The following FHIT variants were observed in gnomAD, a reference collection of about 807,000 sequenced individuals.
FHIT encodes the protein bis(5'-adenosyl)-triphosphatase.
In FHIT, 19 loss-of-function variants were observed where a neutral mutation model predicts 17.9. That is an observed-to-expected ratio of 1.06 (90% CI 0.74 to 1.56). The LOEUF is 1.56. Ranked by LOEUF, FHIT falls within the 40% of genes most tolerant of loss-of-function variation. The probability of loss-of-function intolerance (pLI) is 0.00; values close to 1 mark genes in which losing one functional copy is unlikely to be tolerated. For missense variants in FHIT, 248 were observed against 189.2 expected (o/e 1.31, Z -1.82); for synonymous variants, 81 against 69.7 (o/e 1.16, Z -0.81).
chr3:59,983,317 G>C (rs1708737311), intron 7 of FHIT, among the ~76,000 whole-genome samples: 1 of 152,122 alleles, frequency 6.6e-6, no homozygotes, highest in South Asian at 2.1e-4. Context: ...TGTTAAGGCA[G>C]AACCAGTACA....
intron 5 of FHIT, among the ~76,000 whole-genome samples, chr3:60,498,185 A>C (rs73101807): frequency 2.1e-4 from 32 of 152,146 alleles, no homozygotes; most frequent in Non-Finnish European, 2.9e-5. Context: ...AACCAGTTTA[A>C]ATACTATTTT....
chr3:61,172,774 C>T (rs1163341790), intron 2 of FHIT, among the ~76,000 whole-genome samples: 1 of 152,098 alleles, frequency 6.6e-6, no homozygotes, highest in Non-Finnish European at 1.5e-5. Context: ...TCCTCACTGC[C>T]CCCACACAAC....
intron 2 of FHIT, among the ~76,000 whole-genome samples, chr3:61,124,490 T>C (rs1055937164): frequency 2.6e-5 from 4 of 152,140 alleles, no homozygotes; most frequent in Non-Finnish European, 4.4e-5. Context: ...TAAATATTAA[T>C]ACATATTCTC....
intron 4 of FHIT, among the ~76,000 whole-genome samples, chr3:60,785,399 T>A (rs1311926809): frequency 2.6e-5 from 4 of 152,004 alleles, no homozygotes; most frequent in Non-Finnish European, 5.9e-5. Context: ...ATGGGCCCAT[T>A]TACCATGCCA....
At chr3:59,913,721 T>C (rs1214131440) in intron 8 of FHIT, among the ~76,000 whole-genome samples, 3 of 152,158 alleles carry the variant, frequency 2.0e-5, no homozygotes, top group Admixed American at 2.0e-4. Context: ...ACCACTAACC[T>C]TACACTAGAA....
At chr3:59,846,449 A>G (rs2106771811) in intron 8 of FHIT, among the ~76,000 whole-genome samples, 1 of 152,232 alleles carries the variant, frequency 6.6e-6, no homozygotes, top group African/African-American at 2.4e-5. Flanking sequence ...TGACTTCCTC[A>G]AAACATCAAC....
chr3:60,862,358 C>T (rs115134248), intron 3 of FHIT, among the ~76,000 whole-genome samples: 2,833 of 151,876 alleles, frequency 0.019, 94 homozygotes, highest in African/African-American at 0.065. Flanking sequence ...TATAGAGACG[C>T]GGTCTCACTT....
At chr3:60,150,761 G>C (rs1700431388) in intron 5 of FHIT, among the ~76,000 whole-genome samples, 1 of 151,954 alleles carries the variant, frequency 6.6e-6, no homozygotes, top group Non-Finnish European at 1.5e-5. Context: ...CTATTAAAAA[G>C]ATAAAAACTT....
At chr3:61,153,142 C>CAAAAA (rs372065718) in intron 2 of FHIT, among the ~76,000 whole-genome samples, 1 of 78,380 alleles carries the variant, frequency 1.3e-5, no homozygotes, top group Non-Finnish European at 2.8e-5. Flanking sequence ...GACTCCATCT[C>CAAAAA]AAAAAAAAAA....
At chr3:60,749,906 A>G (rs1553716366) in intron 4 of FHIT, among the ~76,000 whole-genome samples, 1 of 152,240 alleles carries the variant, frequency 6.6e-6, no homozygotes, top group Non-Finnish European at 1.5e-5. Flanking sequence ...AACAAGTGAA[A>G]GATACAAAGA....
intron 5 of FHIT, among the ~76,000 whole-genome samples, chr3:60,078,271 G>C (rs1703120979): frequency 6.6e-6 from 1 of 152,206 alleles, no homozygotes; most frequent in East Asian, 1.9e-4. Flanking sequence ...CACCAACCAA[G>C]TGATCAAAGT....
chr3:61,026,859 G>A (rs2032760601), intron 3 of FHIT, among the ~76,000 whole-genome samples: 2 of 152,096 alleles, frequency 1.3e-5, no homozygotes, highest in African/African-American at 2.4e-5. Context: ...CCACATCCTA[G>A]CTCTGATAAC....
At chr3:60,248,797 C>T (rs547903530) in intron 5 of FHIT, among the ~76,000 whole-genome samples, 66 of 152,180 alleles carry the variant, frequency 4.3e-4, no homozygotes, top group African/African-American at 1.2e-3. Flanking sequence ...GCTAGAAGGG[C>T]GCTGTGACTC....
At chr3:61,062,511 G>C (rs2034463150) in intron 2 of FHIT, among the ~76,000 whole-genome samples, 1 of 152,080 alleles carries the variant, frequency 6.6e-6, no homozygotes, top group African/African-American at 2.4e-5. Context: ...TGAATCTCTT[G>C]AAACCTAGAC....
intron 4 of FHIT, among the ~76,000 whole-genome samples, chr3:60,612,213 C>T (rs2038807008): frequency 6.6e-6 from 1 of 152,158 alleles, no homozygotes; most frequent in African/African-American, 2.4e-5. Context: ...GAGTCATGAG[C>T]TAACTGTGAA....
In FHIT at chr3:60,540,571, G is replaced by A. The variant is rs79069700; in HGVS notation, c.-17-3592C>T. Among the ~76,000 whole-genome samples the A allele has an allele frequency of 5.3e-3, 809 of 152,290 alleles. 5 individuals are homozygous for A. Among genetic ancestry groups the A allele is most frequent in the African/African-American group, 0.019 (779 of 41,560 alleles). On this transcript the variant is annotated intron_variant, in intron 4 of 9. Transcript: ENST00000492590. ...TGTCCGCTGCTTTGTGTGTTGGGGG[G>A]AAAGAAACCCCACACATTTGGTCAC...
chr3:60,860,258 CATATGT>C (rs2106960493), intron 3 of FHIT, among the ~76,000 whole-genome samples: 1 of 137,336 alleles, frequency 7.3e-6, no homozygotes, highest in African/African-American at 2.8e-5. Flanking sequence ...TGAGATACAT[CATATGT>C]ATACATGAGA....
chr3:59,769,270 G>A (rs1701954970), intron 8 of FHIT, among the ~76,000 whole-genome samples: 1 of 152,300 alleles, frequency 6.6e-6, no homozygotes, highest in African/African-American at 2.4e-5. Flanking sequence ...GGAGCACCAG[G>A]CTGTGGCTCG....
At chr3:60,465,002 C>T (rs746617102) in intron 5 of FHIT, among the ~76,000 whole-genome samples, 15 of 152,126 alleles carry the variant, frequency 9.9e-5, no homozygotes, top group Admixed American at 8.5e-4. Flanking sequence ...CTTTTCTCAA[C>T]GTCCTCTCCA....
Sources: gnomAD v4.1 joint callset for allele counts (sites outside exome capture counted in the v4.1 genomes callset) on GRCh38, gnomAD v4.1.1 for gene constraint, MANE v1.5 for transcripts, NCBI Gene and HGNC (gene_info 2026-07-23, HGNC 2026-07-21) for gene names.